Variants in PGM5 observed in about 807,000 individuals in gnomAD.
PGM5 encodes phosphoglucomutase 5, also known as phosphoglucomutase-like protein 5.
In PGM5, 23 loss-of-function variants were observed where a neutral mutation model predicts 59.2. The observed-to-expected ratio is 0.39, with a 90% confidence interval of 0.28 to 0.55. The LOEUF is 0.55. Among genes scored for constraint, PGM5 ranks in the 20% least tolerant of loss-of-function variants. The pLI, the probability that PGM5 is intolerant of heterozygous loss-of-function variation, is 0.66. For synonymous variants in PGM5, 214 were observed against 286.0 expected (o/e 0.75, Z 2.54); for missense variants, 574 against 748.3 (o/e 0.77, Z 2.72).
intron 4 of PGM5, among the ~76,000 whole-genome samples, chr9:68,390,377 C>T (rs1426099792): frequency 6.6e-6 from 1 of 152,186 alleles, no homozygotes; most frequent in East Asian, 1.9e-4. Context: ...GAATCAATTG[C>T]TCTGGCTAGA....
At chr9:68,435,029 G>T (rs1823423684) in intron 6 of PGM5, among the ~76,000 whole-genome samples, 1 of 152,166 alleles carries the variant, frequency 6.6e-6, no homozygotes, top group South Asian at 2.1e-4. Context: ...CCAGGCCTTT[G>T]CTCAAGCTGT....
intron 6 of PGM5, among the ~76,000 whole-genome samples, chr9:68,407,570 TG>T (rs571904968): frequency 0.033 from 5,086 of 152,284 alleles, 113 homozygotes; most frequent in Non-Finnish European, 0.048. Context: ...ATTATCTTTC[TG>T]GGAAAATACA....
chr9:68,391,994 G>GT (rs1822377198), intron 5 of PGM5, among the ~76,000 whole-genome samples: 1 of 152,066 alleles, frequency 6.6e-6, no homozygotes, highest in Non-Finnish European at 1.5e-5. Context: ...GGCTGGTGTT[G>GT]TTGAAAGCAC....
At chr9:68,432,474 TA>T (rs1348278041) in intron 6 of PGM5, among the ~76,000 whole-genome samples, 2 of 152,162 alleles carry the variant, frequency 1.3e-5, no homozygotes, top group African/African-American at 4.8e-5. Context: ...GTGGTGAGAT[TA>T]CAGGCGTGAG....
chr9:68,460,480 G>A (rs962388974), intron 6 of PGM5, among the ~76,000 whole-genome samples: 14 of 152,124 alleles, frequency 9.2e-5, no homozygotes, highest in African/African-American at 2.7e-4. Context: ...AAACCTTTGA[G>A]GATCATTTAG....
intron 6 of PGM5, among the ~76,000 whole-genome samples, chr9:68,438,286 CAAAAAAAAAAAAA>C (rs34047393): frequency 0.01 from 349 of 34,844 alleles, no homozygotes; most frequent in Admixed American, 0.024. Flanking sequence ...GAGACTCTGT[CAAAAAAAAAAAAA>C]AAAAAAAAAA....
At chr9:68,416,242 A>G (rs1178697400) in intron 6 of PGM5, among the ~76,000 whole-genome samples, 1 of 152,238 alleles carries the variant, frequency 6.6e-6, no homozygotes, top group Non-Finnish European at 1.5e-5. Flanking sequence ...AGCCAAAGGG[A>G]GTCCATCTAA....
chr9:68,522,037 C>T (rs1824906458), intron 10 of PGM5, among the ~76,000 whole-genome samples: 1 of 152,144 alleles, frequency 6.6e-6, no homozygotes, highest in Non-Finnish European at 1.5e-5. Context: ...GGTGGATCAC[C>T]TGAGGTCTGG....
intron 10 of PGM5, among the ~76,000 whole-genome samples, chr9:68,525,345 A>C (rs1824954868): frequency 6.6e-6 from 1 of 152,224 alleles, no homozygotes; most frequent in African/African-American, 2.4e-5. Context: ...TGAATAAGAC[A>C]AAGTTTCTGC....
chr9:68,463,816 G>C (rs1554685616), intron 6 of PGM5, among the ~76,000 whole-genome samples: 1 of 152,142 alleles, frequency 6.6e-6, no homozygotes, highest in African/African-American at 2.4e-5. Flanking sequence ...CAATACAGCA[G>C]ACAGTCTCTG....
chr9:68,476,398 T>A (rs1391426132), intron 7 of PGM5, among the ~76,000 whole-genome samples: 1 of 152,228 alleles, frequency 6.6e-6, no homozygotes, highest in Non-Finnish European at 1.5e-5. Context: ...ATTATCCCTG[T>A]CATATATATA....
chr9:68,402,876 A>G (rs552982721), intron 6 of PGM5, among the ~76,000 whole-genome samples: 5 of 152,258 alleles, frequency 3.3e-5, no homozygotes, highest in African/African-American at 1.2e-4. Context: ...CTTAAAATGG[A>G]TTTCAGCTTC....
At chr9:68,512,178 G>C (rs2132113731) in intron 10 of PGM5, among the ~76,000 whole-genome samples, 1 of 152,336 alleles carries the variant, frequency 6.6e-6, no homozygotes, top group Middle Eastern at 3.4e-3. Context: ...GAGAGAAAGG[G>C]CTTGAACACT....
At chr9:68,439,883 T>G (rs1377986657) in intron 6 of PGM5, among the ~76,000 whole-genome samples, 2 of 152,044 alleles carry the variant, frequency 1.3e-5, no homozygotes, top group African/African-American at 4.8e-5. Flanking sequence ...TTTAAAGTTT[T>G]GTAGAAACTC....
intron 6 of PGM5, chr9:68,394,236 T>C (rs1319335990): frequency 6.6e-6 from 1 of 152,148 alleles, no homozygotes; most frequent in Non-Finnish European, 1.5e-5. Context: ...CATTTCACTG[T>C]ATATAAATTT....
chr9:68,522,868 C>T (rs1824919856), intron 10 of PGM5, among the ~76,000 whole-genome samples: 1 of 152,078 alleles, frequency 6.6e-6, no homozygotes, highest in African/African-American at 2.4e-5. Flanking sequence ...TTATTATTTC[C>T]TTCTGCTCTC....
rs575893070 is a variant in PGM5, at chr9:68,495,671, T to C, written c.1480-3556T>C. 9.3e-4 allele frequency among the ~76,000 whole-genome samples: 142 copies of C among 152,194 alleles called. 1 individual carries two copies. Among genetic ancestry groups the C allele is most frequent in the African/African-American group, 3.3e-3 (135 of 41,508 alleles). ...TATGTTAGGAGTAGGTGGTGAGAGG[T>C]AAGTTGATTTGAGCCAAATACAGGT... On this transcript the variant is annotated intron_variant, in intron 9 of 10. Transcript: ENST00000396396.
chr9:68,400,220 G>A (rs2132025090), intron 6 of PGM5, among the ~76,000 whole-genome samples: 1 of 152,198 alleles, frequency 6.6e-6, no homozygotes, highest in Non-Finnish European at 1.5e-5. Flanking sequence ...GGCTTTGAAT[G>A]CCTGCAGGAG....
At position 68,385,223 on chromosome 9, in the gene PGM5, G is replaced by A. The variant is rs569073004; in HGVS notation, c.571+679G>A. The stretch of plus-strand genomic sequence containing the variant: ...CATATGACAACAACATTAATAACAT[G>A]TATGTATACATTTTCCCCCTGTATT... On this transcript the variant is annotated intron_variant, in intron 3 of 10. Transcript: ENST00000396396. 7.9e-4 allele frequency among the ~76,000 whole-genome samples: 117 copies of A among 147,676 alleles called. No homozygotes were observed. In the Middle Eastern group the frequency reaches 0.022, roughly 28 times the overall value.
Sources: gnomAD v4.1 joint callset for allele counts (sites outside exome capture counted in the v4.1 genomes callset) on GRCh38, gnomAD v4.1.1 for gene constraint, MANE v1.5 for transcripts, NCBI Gene and HGNC (gene_info 2026-07-23, HGNC 2026-07-21) for gene names.